DDX20: variants seen among roughly 807,000 people sequenced by gnomAD.
DDX20 encodes the protein DEAD-box helicase 20, also known as probable ATP-dependent RNA helicase DDX20.
A neutral mutation model predicts 76.4 loss-of-function variants in DDX20; 61 were observed. The observed-to-expected ratio is 0.80, with a 90% CI of 0.65 to 0.99. DDX20 has a LOEUF of 0.99. Ranked by LOEUF, DDX20 falls within the 50% of genes least tolerant of loss-of-function variation. The probability of loss-of-function intolerance (pLI) is 0.00; values close to 1 mark genes in which losing one functional copy is unlikely to be tolerated. For synonymous variants in DDX20, 357 were observed against 357.4 expected, an observed-to-expected ratio of 1.00 and a Z score of 0.01; for missense variants, 976 against 996.8, an observed-to-expected ratio of 0.98 and a Z score of 0.28.
chr1:111,764,474 T>C (rs1218666981), intron 10 of DDX20, among the ~76,000 whole-genome samples: 1 of 152,220 alleles, frequency 6.6e-6, no homozygotes, highest in Non-Finnish European at 1.5e-5. Context: ...CATTTTATGA[T>C]CTTTTACAAA....
At position 111,767,972 on chromosome 1, in the gene DDX20, G is replaced by A. The variant is rs1391179011; in HGVS notation, c.*1073G>A. 2 of 152,072 alleles carry A rather than the reference G, an allele frequency of 1.3e-5. No homozygotes were observed. Among genetic ancestry groups the A allele is most frequent in the African/African-American group, 4.8e-5 (2 of 41,424 alleles). The allele number at this position is 152,072 out of a possible 1,614,324, so 9.4% of individuals were successfully genotyped here. A position where few individuals can be genotyped will look rare whatever the true frequency, so the allele number is the denominator to read the frequency against. ...CTGAGCTGATGCATCTGTAAATTAC[G>A]ATTTAGAAAAATATAATTGGAAATT... On this transcript the variant is annotated 3_prime_UTR_variant, in exon 11 of 11. Coordinates refer to ENST00000369702, the MANE Select transcript of DDX20 (RefSeq NM_007204.5).
Position 111,758,047 on chromosome 1 carries a change from G to A in DDX20, c.396+1307G>A, listed in dbSNP as rs1487685736. Among the ~76,000 whole-genome samples the A allele has an allele frequency of 3.3e-5, 5 of 152,060 alleles. No homozygotes were observed. The East Asian group carries it at 9.7e-4, about 29-fold the overall frequency. ...ATTTTTTTGTATTTTTAGTAGAGAC[G>A]GTGTTTCGCCATGTCGGCCAGGCTG... is the stretch of plus-strand genomic sequence containing the variant. On this transcript the variant is annotated intron_variant, in intron 2 of 10. Transcript: ENST00000369702.
In DDX20 at chr1:111,767,014, A is replaced by G. The variant is rs1281121420; in HGVS notation, c.*115A>G. On this transcript the variant is annotated 3_prime_UTR_variant, in exon 11 of 11. Coordinates refer to ENST00000369702, the MANE Select transcript of DDX20 (RefSeq NM_007204.5). ...AGTGGCATTTCTGATAAACTTGAAAAGACTTGAGTCTTTCCACTGGGACAC... is the reference window on the plus strand; with the variant it reads ...AGTGGCATTTCTGATAAACTTGAAAGGACTTGAGTCTTTCCACTGGGACAC... 39 of 786,386 alleles carry G rather than the reference A, an allele frequency of 5.0e-5. No individual in the cohort carries two copies. In the Admixed American group the frequency reaches 1.1e-3, roughly 22 times the overall value. 48.7% of individuals were successfully genotyped at this position (786,386 alleles called of 1,614,324 possible).
At position 111,766,551 on chromosome 1, in the gene DDX20, G is replaced by A; in HGVS notation, c.2127G>A (p.Glu709=). Residue 709 remains glutamate (E), a synonymous_variant, in exon 11 of 11, where the codon GAG becomes GAA. Transcript: ENST00000369702. ...ATGGAAGTGACACCCCCAATCCAGA[G>A]AAATATCAAGAATCACCTGGAATCC... is the stretch of plus-strand genomic sequence containing the variant. ...PPNGSDTPNP[E]KYQESPGIQM... The A allele has an allele frequency of 6.2e-7, 1 of 1,614,168 alleles. No homozygotes were observed. Among genetic ancestry groups the A allele is most frequent in the Non-Finnish European group, 8.5e-7 (1 of 1,180,006 alleles).
rs562883339 is a variant in DDX20 at position 111,762,595 on chromosome 1, G to A, written c.1105-82G>A. On this transcript the variant is annotated intron_variant, in intron 8 of 10. Transcript: ENST00000369702. ...TCAGTTCTTAATTTGTCTCTTGACT[G>A]TACTGGAAGAATATAATATGCATTG... is the stretch of plus-strand genomic sequence containing the variant. 8 of 1,226,790 alleles carry A rather than the reference G, an allele frequency of 6.5e-6. No individual in the cohort carries two copies. The South Asian group carries it at 9.0e-5, about 14-fold the overall frequency. The allele number at this position is 1,226,790 out of a possible 1,614,324, so 76.0% of individuals were successfully genotyped here.
At position 111,767,392 on chromosome 1, in the gene DDX20, T is replaced by C. The variant is rs1663804889; in HGVS notation, c.*493T>C. On this transcript the variant is annotated 3_prime_UTR_variant, in exon 11 of 11. Transcript: ENST00000369702. The stretch of plus-strand genomic sequence containing the variant: ...TAGGTTTTAGGCAGGAAGGAATATT[T>C]AAACATTGCTTTAGATTTTCCTAAA... 6.6e-6 allele frequency: 1 copy of C among 152,570 alleles called. No homozygotes were observed. Among genetic ancestry groups the C allele is most frequent in the Non-Finnish European group, 1.5e-5 (1 of 68,316 alleles). The allele number at this position is 152,570 out of a possible 1,614,324, so 9.5% of individuals were successfully genotyped here.
intron 8 of DDX20, 54 bp from the exon 9 acceptor site, chr1:111,762,623 A>G (rs1052720949): frequency 4.3e-6 from 6 of 1,391,012 alleles, no homozygotes; most frequent in Admixed American, 1.7e-5. Context: ...ATGCATTGGT[A>G]TCCATGCTGT....
rs776121486 is a variant in DDX20, at chr1:111,755,924, C to T, written c.-1C>T. The T allele has an allele frequency of 3.2e-6, 5 of 1,569,942 alleles. No homozygotes were observed. Among genetic ancestry groups the T allele is most frequent in the African/African-American group, 2.7e-5 (2 of 73,714 alleles). Reference sequence around the variant, plus strand: ...CCGCGAGATCTGACGGCGCGGCTACCATGGCGGCGGCATTTGAAGCCTCGG... The same window carrying T: ...CCGCGAGATCTGACGGCGCGGCTACTATGGCGGCGGCATTTGAAGCCTCGG... On this transcript the variant is annotated 5_prime_UTR_variant, in exon 1 of 11. Coordinates refer to ENST00000369702, the MANE Select transcript of DDX20 (RefSeq NM_007204.5).
At position 111,764,592 on chromosome 1, in the gene DDX20, A is replaced by C. The variant is rs184146620; in HGVS notation, c.1313-1145A>C. 1.8e-3 allele frequency among the ~76,000 whole-genome samples: 278 copies of C among 152,338 alleles called. 1 individual carries two copies. The highest frequency in any genetic ancestry group is 3.5e-3 in the Non-Finnish European group (237 of 68,022). On this transcript the variant is annotated intron_variant, in intron 10 of 10. Coordinates refer to ENST00000369702, the MANE Select transcript of DDX20 (RefSeq NM_007204.5). ...AAACTGTCAGTTCTTTCTGTGTATA[A>C]GTCTATTCGTAGTCTGATATGGGAA...
chr1:111,763,055 A>C (rs1290013658), intron 10 of DDX20, 48 bp downstream of exon 10: 1 of 1,429,860 alleles, frequency 7.0e-7, no homozygotes, highest in Non-Finnish European at 9.8e-7. Flanking sequence ...AGTGGTGATA[A>C]GCATAATAAA....
intron 10 of DDX20, among the ~76,000 whole-genome samples, 156 bp downstream of exon 10, chr1:111,763,163 G>A (rs1485548024): frequency 6.6e-6 from 1 of 152,196 alleles, no homozygotes; most frequent in African/African-American, 2.4e-5. Flanking sequence ...ACACTCCTAT[G>A]AGGTGTGTGC....
chr1:111,761,344 A>G (rs1245311691), intron 7 of DDX20, 60 bp downstream of exon 7: 1 of 1,437,748 alleles, frequency 7.0e-7, no homozygotes, highest in African/African-American at 1.4e-5. Context: ...CTCCAAAGTC[A>G]GGAGGAAAAA....
In DDX20 at chr1:111,760,488, C is replaced by T; in HGVS notation, c.580C>T (p.Leu194Phe). Residue 194 changes from leucine (L) to phenylalanine (F), a missense_variant, in exon 4 of 11, where the codon CTC becomes TTC. Around this residue, in one of 3 missense-constraint regions of DDX20, gnomAD observed 343 missense variants for 286.4 expected, o/e 1.20. Coordinates refer to ENST00000369702, the MANE Select transcript of DDX20 (RefSeq NM_007204.5). ...AVGSPGRIKQ[L>F]IELDYLNPGS... ...TTTTTAATTAGGCAGAATTAAGCAA[C>T]TCATAGAACTTGACTACTTGAACCC... is the stretch of plus-strand genomic sequence containing the variant. 1.9e-6 allele frequency: 3 copies of T among 1,592,150 alleles called. No homozygotes were observed. Among genetic ancestry groups the T allele is most frequent in the Non-Finnish European group, 2.6e-6 (3 of 1,173,380 alleles).
Position 111,762,529 on chromosome 1 carries a change from G to T in DDX20, c.1105-148G>T, listed in dbSNP as rs938381815. On this transcript the variant is annotated intron_variant, in intron 8 of 10. Transcript: ENST00000369702. ...ATGTTTATCTTTGTCCTTGAAATTA[G>T]TCATTAGGAATGAATTTCCTTTTCC... 1.6e-5 allele frequency: 13 copies of T among 837,348 alleles called. No homozygotes were observed. The South Asian group carries it at 1.9e-4, about 13-fold the overall frequency. The allele number at this position is 837,348 out of a possible 1,614,324, so 51.9% of individuals were successfully genotyped here.
In DDX20 at chr1:111,756,101, G is replaced by T. The variant is rs774135512; in HGVS notation, c.177G>T (p.Ala59=). ...CCCGCACGGGGGATGTGCTGTTGGC[G>T]GAGCCGGCCGACTTCGAGTCACTGC... is the stretch of plus-strand genomic sequence containing the variant. ...PRTRTGDVLL[A]EPADFESLLL... Residue 59 remains alanine, a synonymous_variant, in exon 1 of 11, where the codon GCG becomes GCT. Coordinates refer to ENST00000369702, the MANE Select transcript of DDX20 (RefSeq NM_007204.5). 1 of 1,599,884 alleles carries T rather than the reference G, an allele frequency of 6.3e-7. No individual in the cohort carries two copies. Among genetic ancestry groups the T allele is most frequent in the Non-Finnish European group, 8.5e-7 (1 of 1,178,704 alleles).
intron 7 of DDX20, chr1:111,762,004 G>T (rs1328130772): frequency 1.8e-5 from 6 of 340,476 alleles, no homozygotes; most frequent in Admixed American, 4.6e-5. Context: ...CAAATAGAAT[G>T]TTATATATTC....
chr1:111,756,685 G>T lies in DDX20; in HGVS notation c.341G>T (p.Cys114Phe). The T allele has an allele frequency of 6.2e-7, 1 of 1,614,176 alleles. No individual in the cohort carries two copies. Among genetic ancestry groups the T allele is most frequent in the Non-Finnish European group, 8.5e-7 (1 of 1,180,024 alleles). Residue 114 changes from cysteine (C) to phenylalanine (F), a missense_variant, in exon 2 of 11, where the codon TGT becomes TTT. By Grantham distance (205) the Cys-to-Phe change is radical. Coordinates refer to ENST00000369702, the MANE Select transcript of DDX20 (RefSeq NM_007204.5). ...GCTAAATCTGGCACCGGGAAAACCT[G>T]TGTGTTCTCCACCATAGCTTTGGAC... is the stretch of plus-strand genomic sequence containing the variant. Reference protein sequence around the residue: ...VQAKSGTGKTCVFSTIALDSL... With the variant: ...VQAKSGTGKTFVFSTIALDSL...
At chr1:111,759,029 T>TA (rs1282936273) in intron 2 of DDX20, among the ~76,000 whole-genome samples, 1 of 152,068 alleles carries the variant, frequency 6.6e-6, no homozygotes, top group Non-Finnish European at 1.5e-5. Flanking sequence ...GGAGGAACAA[T>TA]AAAAAATAAT....
rs1663538154 is a variant in DDX20, at chr1:111,756,003, G to A, written c.79G>A (p.Val27Ile). ...GCCGGCTGAGCATGTGGCCGTGCAG[G>A]TCCCGGCCCCAGAGCCAACACCCGG... ...AMPAEHVAVQ[V>I]PAPEPTPGPV... The change falls in exon 1 of 11, where the codon GTC (valine) becomes ATC (isoleucine). Residue 27 changes from valine to isoleucine, a missense_variant. Val to Ile is a conservative substitution (Grantham distance 29, BLOSUM62 3). Around this residue, in one of 3 missense-constraint regions of DDX20, gnomAD observed 343 missense variants for 286.4 expected, o/e 1.20. Coordinates refer to ENST00000369702, the MANE Select transcript of DDX20 (RefSeq NM_007204.5). 1.2e-6 allele frequency: 2 copies of A among 1,608,740 alleles called. No homozygotes were observed. The highest frequency in any genetic ancestry group is 2.2e-5 in the South Asian group (2 of 90,500).
Sources: gnomAD v4.1 joint callset for allele counts (sites outside exome capture counted in the v4.1 genomes callset) on GRCh38, gnomAD v4.1.1 for gene constraint, gnomAD v4.1.1 regional missense constraint, MANE v1.5 for transcripts, NCBI Gene and HGNC (gene_info 2026-07-23, HGNC 2026-07-21) for gene names.